ZNF385B: variants seen among roughly 807,000 people sequenced by gnomAD.
The protein encoded by ZNF385B is zinc finger protein 385B.
A neutral mutation model predicts 39.2 loss-of-function variants in ZNF385B; 23 were observed. The observed-to-expected ratio is 0.59, with a 90% CI of 0.42 to 0.83. The LOEUF is 0.83. ZNF385B is among the 40% of genes least tolerant of loss of function. The probability of loss-of-function intolerance (pLI) is 0.00; values close to 1 mark genes in which losing one functional copy is unlikely to be tolerated. For synonymous variants in ZNF385B, 205 were observed against 222.6 expected (o/e 0.92, Z 0.70); for missense variants, 552 against 598.9 (o/e 0.92, Z 0.82).
intron 3 of ZNF385B, among the ~76,000 whole-genome samples, chr2:179,670,608 C>T (rs1695854849): frequency 6.6e-6 from 1 of 152,082 alleles, no homozygotes; most frequent in African/African-American, 2.4e-5. Flanking sequence ...TAATAACTGG[C>T]AAAAGTTCTG....
intron 3 of ZNF385B, among the ~76,000 whole-genome samples, chr2:179,686,594 A>C (rs1265580158): frequency 1.3e-5 from 2 of 152,116 alleles, no homozygotes; most frequent in Non-Finnish European, 2.9e-5. Flanking sequence ...AACAATGTGA[A>C]TGACTGGTCG....
intron 5 of ZNF385B, among the ~76,000 whole-genome samples, chr2:179,493,767 A>ACATATGTGTATATG (rs1559338100): frequency 3.4e-5 from 3 of 89,164 alleles, no homozygotes; most frequent in East Asian, 4.8e-4. Context: ...ATATATGTAT[A>ACATATGTGTATATG]CATATATGTA....
intron 3 of ZNF385B, among the ~76,000 whole-genome samples, chr2:179,675,581 G>C (rs1233342625): frequency 3.9e-5 from 6 of 152,178 alleles, no homozygotes; most frequent in African/African-American, 1.4e-4. Flanking sequence ...AGGCAGAACT[G>C]AAGAGTGAGT....
At chr2:179,849,290 C>A (rs1708959167) in intron 1 of ZNF385B, among the ~76,000 whole-genome samples, 1 of 152,166 alleles carries the variant, frequency 6.6e-6, no homozygotes, top group South Asian at 2.1e-4. Context: ...TTATGAATTA[C>A]AGAATTTAAG....
chr2:179,462,339 T>C (rs2051423346), intron 6 of ZNF385B, among the ~76,000 whole-genome samples: 1 of 152,186 alleles, frequency 6.6e-6, no homozygotes, highest in African/African-American at 2.4e-5. Flanking sequence ...TTTCTTCCAA[T>C]TGTGCAGTCT....
intron 3 of ZNF385B, among the ~76,000 whole-genome samples, chr2:179,743,049 G>A (rs527655979): frequency 1.3e-4 from 19 of 151,852 alleles, no homozygotes; most frequent in Non-Finnish European, 1.9e-4. Flanking sequence ...TATGTAATAC[G>A]ACAAATGTCA....
At chr2:179,802,083 A>G (rs968510909) in intron 1 of ZNF385B, among the ~76,000 whole-genome samples, 8 of 152,154 alleles carry the variant, frequency 5.3e-5, no homozygotes, top group Non-Finnish European at 1.0e-4. Context: ...TTGTTTAAAA[A>G]GCCTACCCCA....
intron 3 of ZNF385B, among the ~76,000 whole-genome samples, chr2:179,571,658 C>T (rs1685224264): frequency 6.6e-6 from 1 of 152,166 alleles, no homozygotes; most frequent in South Asian, 2.1e-4. Context: ...TCAGTTACAA[C>T]CTTTAAGTTC....
chr2:179,850,528 C>A (rs554945932), intron 1 of ZNF385B, among the ~76,000 whole-genome samples: 4 of 152,202 alleles, frequency 2.6e-5, no homozygotes, highest in African/African-American at 9.7e-5. Flanking sequence ...TCCTTGTCCA[C>A]GTATCATCCC....
rs115917471 is a variant in ZNF385B at position 179,594,434 on chromosome 2, G to A, written c.299-49465C>T. Among the ~76,000 whole-genome samples the A allele has an allele frequency of 9.4e-3, 1,433 of 152,148 alleles. 28 individuals are homozygous for A. Among genetic ancestry groups the A allele is most frequent in the African/African-American group, 0.033 (1,377 of 41,486 alleles). On this transcript the variant is annotated intron_variant, in intron 3 of 9. Transcript: ENST00000410066. Reference sequence around the variant, plus strand: ...CTTTATAATATACCTACTTTTTTGCGTATGTTACAGCAGGGAAGAGACTGT... The same window carrying A: ...CTTTATAATATACCTACTTTTTTGCATATGTTACAGCAGGGAAGAGACTGT...
intron 6 of ZNF385B, among the ~76,000 whole-genome samples, chr2:179,458,321 T>A (rs1029520179): frequency 6.6e-6 from 1 of 152,200 alleles, no homozygotes; most frequent in Non-Finnish European, 1.5e-5. Flanking sequence ...GCTCTCTCTT[T>A]ACCTGCTGAC....
At chr2:179,668,952 G>A (rs1001861815) in intron 3 of ZNF385B, among the ~76,000 whole-genome samples, 1 of 152,076 alleles carries the variant, frequency 6.6e-6, no homozygotes, top group African/African-American at 2.4e-5. Flanking sequence ...AAAACAAAAG[G>A]AAAGCTTAAA....
intron 3 of ZNF385B, among the ~76,000 whole-genome samples, chr2:179,624,606 C>T (rs555787026): frequency 1.2e-4 from 18 of 152,248 alleles, no homozygotes; most frequent in African/African-American, 2.9e-4. Context: ...AAGCAAAATA[C>T]GAGTAAAAAA....
At chr2:179,851,324 C>T (rs1684131869) in intron 1 of ZNF385B, among the ~76,000 whole-genome samples, 1 of 152,160 alleles carries the variant, frequency 6.6e-6, no homozygotes, top group Non-Finnish European at 1.5e-5. Flanking sequence ...GTGGTGCACA[C>T]CTGTAGTCCT....
chr2:179,668,375 C>T (rs1695454686), intron 3 of ZNF385B, among the ~76,000 whole-genome samples: 1 of 152,202 alleles, frequency 6.6e-6, no homozygotes, highest in South Asian at 2.1e-4. Context: ...TTTTGATTTG[C>T]CATGCCCTCA....
rs150312331 is a variant in ZNF385B, at chr2:179,674,330, C to T, written c.298+95173G>A. 3.9e-3 allele frequency among the ~76,000 whole-genome samples: 589 copies of T among 152,190 alleles called. 2 individuals carry two copies. Among genetic ancestry groups the T allele is most frequent in the Non-Finnish European group, 6.1e-3 (418 of 67,982 alleles). On this transcript the variant is annotated intron_variant, in intron 3 of 9. Transcript: ENST00000410066. ...TAGAATTGTAATTGAGCAACTATGA[C>T]GTATTTTTCTTGACTGTAGTAAAAA...
chr2:179,452,143 A>G (rs1183768128), intron 6 of ZNF385B, among the ~76,000 whole-genome samples: 2 of 152,138 alleles, frequency 1.3e-5, no homozygotes, highest in African/African-American at 2.4e-5. Flanking sequence ...TCCATAATTT[A>G]TGCATCCAAG....
At chr2:179,638,542 A>C (rs1454883150) in intron 3 of ZNF385B, among the ~76,000 whole-genome samples, 1 of 152,158 alleles carries the variant, frequency 6.6e-6, no homozygotes, top group East Asian at 1.9e-4. Context: ...GCAAATATGA[A>C]ATGTAGACCC....
At chr2:179,579,797 T>A (rs1686273145) in intron 3 of ZNF385B, among the ~76,000 whole-genome samples, 1 of 152,166 alleles carries the variant, frequency 6.6e-6, no homozygotes. Flanking sequence ...ATGTAGCAGA[T>A]GTTTTGTTAT....
Sources: allele counts gnomAD v4.1 joint callset (sites outside exome capture counted in the v4.1 genomes callset), GRCh38; gene constraint gnomAD v4.1.1; transcripts MANE v1.5; gene names NCBI Gene and HGNC (gene_info 2026-07-23, HGNC 2026-07-21).